Variants in PROSER2 observed in about 807,000 individuals in gnomAD.
PROSER2 encodes proline and serine-rich protein 2.
Under a neutral mutation model 14.6 loss-of-function variants are expected in PROSER2, and 18 were observed. The observed-to-expected ratio is 1.23, with a 90% CI of 0.85 to 1.83. PROSER2 has a LOEUF of 1.83. Among genes scored for constraint, PROSER2 ranks in the 40% most tolerant of loss-of-function variants. The pLI, the probability that PROSER2 is intolerant of heterozygous loss-of-function variation, is 0.00. For missense variants in PROSER2, 823 were observed against 629.8 expected (o/e 1.31, Z -3.28); for synonymous variants, 367 against 286.4 (o/e 1.28, Z -2.84).
chr10:11,851,239 G>A (rs1834011812), intron 1 of PROSER2: 2 of 152,354 alleles, frequency 1.3e-5, no homozygotes, highest in South Asian at 4.1e-4. Flanking sequence ...CAGGGTTGGG[G>A]GGGCAGTCAG....
chr10:11,843,207 C>T (rs991411887), intron 1 of PROSER2, among the ~76,000 whole-genome samples: 281 of 149,286 alleles, frequency 1.9e-3, no homozygotes, highest in African/African-American at 6.2e-3. Context: ...CCCAAAGTGC[C>T]GGGATTACAG....
rs368642168 is a variant in PROSER2 at position 11,869,753 on chromosome 10, G to A, written c.655G>A (p.Glu219Lys). The A allele has an allele frequency of 2.6e-5, 41 of 1,579,846 alleles. No homozygotes were observed. The highest frequency in any genetic ancestry group is 3.4e-4 in the Middle Eastern group (2 of 5,816). Residue 219 changes from glutamate (E) to lysine (K), a missense_variant, in exon 4 of 4, where the codon GAG becomes AAG. Coordinates refer to ENST00000277570, the MANE Select transcript of PROSER2 (RefSeq NM_153256.4). This position sits in a 1 kb window ranked among gnomAD's most constrained non-coding sequence, Gnocchi z 4.4. ...CCTCTCGCCCACCTCCCCGTTCAGG[G>A]AGGGCCGGCCCGGGGAGTGGAGGAC... is the stretch of plus-strand genomic sequence containing the variant. ...EALSPTSPFR[E>K]GRPGEWRTPA...
intron 3 of PROSER2, among the ~76,000 whole-genome samples, chr10:11,867,926 C>G (rs894039049): frequency 1.3e-5 from 2 of 152,126 alleles, no homozygotes; most frequent in Non-Finnish European, 1.5e-5. Flanking sequence ...TACTTTTGCC[C>G]TGGTAAGGAT....
In PROSER2 at chr10:11,866,731, AGCACCTG is replaced by A; in HGVS notation, c.342_348del (p.Ala117LysfsTer234). The A allele has an allele frequency of 6.2e-7, 1 of 1,613,730 alleles. No individual in the cohort carries two copies. Among genetic ancestry groups the A allele is most frequent in the Non-Finnish European group, 8.5e-7 (1 of 1,179,972 alleles). On this transcript the variant is annotated frameshift_variant, in exon 3 of 4. Coordinates refer to ENST00000277570, the MANE Select transcript of PROSER2 (RefSeq NM_153256.4). LOFTEE classifies it high-confidence loss of function. The surrounding 1 kb of genome is among the most constrained non-coding windows in gnomAD (Gnocchi z 6.0). Reference sequence around the variant, plus strand: ...AAGATGTCATCGACTTAGTGCAGCCAGCACCTGGCGCCGGGGAAGCCGAGGGCCTTCC... The same window carrying A: ...AAGATGTCATCGACTTAGTGCAGCCAGCGCCGGGGAAGCCGAGGGCCTTCC...
chr10:11,847,163 A>G (rs1476752535), intron 1 of PROSER2, among the ~76,000 whole-genome samples: 4 of 144,340 alleles, frequency 2.8e-5, no homozygotes, highest in East Asian at 1.9e-4. Context: ...AAATATATAT[A>G]TATATATATA....
chr10:11,850,204 T>A (rs1833992462), intron 1 of PROSER2: 1 of 152,604 alleles, frequency 6.6e-6, no homozygotes, highest in Non-Finnish European at 1.5e-5. Flanking sequence ...GGCAGCTGGC[T>A]GCTTGTGAGT....
At chr10:11,832,956 C>T (rs1263649719) in intron 1 of PROSER2, among the ~76,000 whole-genome samples, 1 of 152,264 alleles carries the variant, frequency 6.6e-6, no homozygotes, top group South Asian at 2.1e-4. Flanking sequence ...AATTATCCCA[C>T]CTCAGCCTCC....
chr10:11,849,061 C>G (rs1192501946), intron 1 of PROSER2, among the ~76,000 whole-genome samples: 1 of 152,122 alleles, frequency 6.6e-6, no homozygotes, highest in Admixed American at 6.5e-5. Flanking sequence ...GTGGCGCATG[C>G]CTGTAGTCCC....
chr10:11,858,657 AGC>A (rs1834170536), intron 2 of PROSER2, among the ~76,000 whole-genome samples: 1 of 152,218 alleles, frequency 6.6e-6, no homozygotes, highest in East Asian at 1.9e-4. Flanking sequence ...ACATTCTTGA[AGC>A]AAAGCAATAT....
intron 2 of PROSER2, among the ~76,000 whole-genome samples, chr10:11,860,239 C>T (rs1363125130): frequency 6.6e-6 from 1 of 152,122 alleles, no homozygotes. Context: ...AGCCCCACAC[C>T]CTAGAGGGGC....
At chr10:11,826,183 C>T (rs1025645134) in intron 1 of PROSER2, among the ~76,000 whole-genome samples, 1 of 152,162 alleles carries the variant, frequency 6.6e-6, no homozygotes, top group Non-Finnish European at 1.5e-5. Context: ...CAAGGTCCGT[C>T]CGTGTCGCGG....
chr10:11,826,897 T>TTTTTC lies in PROSER2; in HGVS notation c.-82+3427_-82+3428insTTTTC, dbSNP rs58963502. Among the ~76,000 whole-genome samples, 7 of 134,742 alleles carry TTTTTC rather than the reference T, an allele frequency of 5.2e-5. No individual in the cohort carries two copies. The South Asian group carries it at 1.2e-3, about 23-fold the overall frequency. The allele number at this position is 134,742 out of a possible 152,430, so 88.4% of individuals were successfully genotyped here. The stretch of plus-strand genomic sequence containing the variant: ...ACCCGGCCTTTTTTTTTTTTTTTTT[T>TTTTTC]CCTCTGACATAGGATTTCACTGTGT... On this transcript the variant is annotated intron_variant, in intron 1 of 3. Transcript: ENST00000277570.
chr10:11,855,346 C>T (rs1348602779), intron 2 of PROSER2, among the ~76,000 whole-genome samples: 3 of 151,372 alleles, frequency 2.0e-5, no homozygotes, highest in East Asian at 1.9e-4. Flanking sequence ...TGTTGGCGGG[C>T]GCCTGTAGTC....
At position 11,869,846 on chromosome 10, in the gene PROSER2, GCACCCC is replaced by G; in HGVS notation, c.749_754del (p.Ala250_Arg252delinsGly). 6.3e-7 allele frequency: 1 copy of G among 1,586,720 alleles called. No homozygotes were observed. The highest frequency in any genetic ancestry group is 8.6e-7 in the Non-Finnish European group (1 of 1,169,012). ...GCCCAGCCACCCGGCGCAGCCCAAG[GCACCCC>G]GCTTCCCCAGCAACATCATCGTCAC... On this transcript the variant is annotated inframe_deletion, in exon 4 of 4. Coordinates refer to ENST00000277570, the MANE Select transcript of PROSER2 (RefSeq NM_153256.4). This position sits in a 1 kb window ranked among gnomAD's most constrained non-coding sequence, Gnocchi z 4.4.
At chr10:11,840,991 T>TATATATATATATA (rs1833838942) in intron 1 of PROSER2, among the ~76,000 whole-genome samples, 1 of 112,900 alleles carries the variant, frequency 8.9e-6, no homozygotes, top group Non-Finnish European at 1.8e-5. Context: ...TATATATATA[T>TATATATATATATA]GATGGTGGGG....
intron 2 of PROSER2, among the ~76,000 whole-genome samples, chr10:11,861,976 C>CT (rs759835896): frequency 1.3e-5 from 2 of 152,224 alleles, no homozygotes; most frequent in African/African-American, 4.8e-5. Context: ...TGCATCTAAA[C>CT]TGTCAGCGCA....
At chr10:11,827,346 G>A (rs911962867) in intron 1 of PROSER2, among the ~76,000 whole-genome samples, 3 of 149,830 alleles carry the variant, frequency 2.0e-5, no homozygotes, top group South Asian at 2.1e-4. Context: ...CTGAGAACTC[G>A]ATTCTCTTTT....
At chr10:11,847,606 A>G (rs1204591557) in intron 1 of PROSER2, among the ~76,000 whole-genome samples, 2 of 152,038 alleles carry the variant, frequency 1.3e-5, no homozygotes, top group East Asian at 1.9e-4. Flanking sequence ...TTCAGTAGAG[A>G]TGGGGTTTCA....
At chr10:11,852,509 C>G (rs768650815) in intron 2 of PROSER2, among the ~76,000 whole-genome samples, 1 of 151,480 alleles carries the variant, frequency 6.6e-6, no homozygotes, top group Admixed American at 6.6e-5. Context: ...AGGAGCGCTG[C>G]TGAAGAGCTC....
Sources: gnomAD v4.1 joint callset for allele counts (sites outside exome capture counted in the v4.1 genomes callset) on GRCh38, gnomAD v4.1.1 for gene constraint, Gnocchi (gnomAD v3.1) non-coding constraint, MANE v1.5 for transcripts, NCBI Gene and HGNC (gene_info 2026-07-23, HGNC 2026-07-21) for gene names.